TRMT11: variants seen among roughly 807,000 people sequenced by gnomAD.
The protein encoded by TRMT11 is tRNA methyltransferase 11.
A neutral mutation model predicts 62.8 loss-of-function variants in TRMT11; 53 were observed. The ratio of observed to expected loss-of-function variants is 0.84; its 90% CI spans 0.68 to 1.06. The LOEUF is 1.06. Among genes scored for constraint, TRMT11 ranks in the 50% least tolerant of loss-of-function variants. The pLI is 0.00. For missense variants in TRMT11, 556 were observed against 553.4 expected, an observed-to-expected ratio of 1.00 and a Z score of -0.05; for synonymous variants, 188 against 190.3, an observed-to-expected ratio of 0.99 and a Z score of 0.10.
Position 126,026,409 on chromosome 6 carries a change from T to C in TRMT11, c.1260+5129T>C, listed in dbSNP as rs192853955. 3.5e-4 allele frequency among the ~76,000 whole-genome samples: 53 copies of C among 152,136 alleles called. 1 individual carries two copies. The highest frequency in any genetic ancestry group is 2.9e-3 in the Admixed American group (45 of 15,290). ...TTTTTTTTTAATTTTTTTTTTGAGA[T>C]AGAGTCTTACTCTGTTGCCAGGCTG... On this transcript the variant is annotated intron_variant, in intron 12 of 12. Coordinates refer to ENST00000334379, the MANE Select transcript of TRMT11 (RefSeq NM_001031712.3).
intron 16 of TRMT11, among the ~76,000 whole-genome samples, chr6:126,052,080 T>C (rs1011594001): frequency 1.8e-4 from 27 of 152,206 alleles, no homozygotes; most frequent in African/African-American, 6.5e-4. Flanking sequence ...AAGAAATTTA[T>C]ACTAGAATTA....
the TRMT11 span, among the ~76,000 whole-genome samples, chr6:126,269,263 CA>C: frequency 0.012 from 855 of 68,794 alleles, 3 homozygotes; most frequent in African/African-American, 0.033. Context: ...GACTCCGTCT[CA>C]AAAAAAAAAA....
chr6:126,184,863 C>T (rs1012807441), intron 1 of TRMT11, among the ~76,000 whole-genome samples: 1 of 152,182 alleles, frequency 6.6e-6, no homozygotes, highest in Non-Finnish European at 1.5e-5. Flanking sequence ...CAATCAGAGG[C>T]AGCCTGACAA....
chr6:126,250,162 C>T, the TRMT11 span, among the ~76,000 whole-genome samples: 2 of 152,170 alleles, frequency 1.3e-5, no homozygotes, highest in African/African-American at 2.4e-5. Context: ...GAACAGGCAA[C>T]AGACTTCAAT....
chr6:126,239,940 T>G, the TRMT11 span, among the ~76,000 whole-genome samples: 73 of 152,276 alleles, frequency 4.8e-4, no homozygotes, highest in Non-Finnish European at 7.8e-4. Flanking sequence ...CTTCTCTTCT[T>G]GCTTCATTTC....
At chr6:126,037,691 G>T (rs571408662) in intron 12 of TRMT11, among the ~76,000 whole-genome samples, 2 of 152,042 alleles carry the variant, frequency 1.3e-5, no homozygotes, top group South Asian at 4.1e-4. Context: ...CATTATTTTG[G>T]CTAAACCTGG....
At chr6:126,164,069 G>A (rs1461483071) in intron 21 of TRMT11, among the ~76,000 whole-genome samples, 2 of 152,126 alleles carry the variant, frequency 1.3e-5, no homozygotes, top group Non-Finnish European at 1.5e-5. Flanking sequence ...TGATGTTAGG[G>A]TGTTGCTTTT....
chr6:126,027,050 C>T (rs1773296481), intron 12 of TRMT11, among the ~76,000 whole-genome samples: 1 of 152,012 alleles, frequency 6.6e-6, no homozygotes, highest in South Asian at 2.1e-4. Context: ...TCGTGATCCG[C>T]CAGCCTCGGC....
intron 21 of TRMT11, among the ~76,000 whole-genome samples, chr6:126,140,542 A>T (rs1777905842): frequency 6.6e-6 from 1 of 152,060 alleles, no homozygotes. Context: ...TAATGTATTC[A>T]GTGGTTACTG....
the TRMT11 span, among the ~76,000 whole-genome samples, chr6:126,239,662 T>C: frequency 1.3e-5 from 2 of 152,210 alleles, no homozygotes; most frequent in Non-Finnish European, 2.9e-5. Context: ...ATTTCAACTT[T>C]GGTGAATCTG....
chr6:126,023,692 A>C (rs1796157228), intron 12 of TRMT11, among the ~76,000 whole-genome samples: 1 of 152,136 alleles, frequency 6.6e-6, no homozygotes, highest in South Asian at 2.1e-4. Context: ...TGCCTGATGC[A>C]ATAATATGTT....
At chr6:126,083,140 T>C (rs1358228582) in intron 17 of TRMT11, among the ~76,000 whole-genome samples, 1 of 152,194 alleles carries the variant, frequency 6.6e-6, no homozygotes, top group Admixed American at 6.5e-5. Flanking sequence ...GATTGTTTGC[T>C]GGAAGCTTCA....
intron 6 of TRMT11, 40 bp from the exon 7 acceptor site, chr6:125,999,416 TC>T (rs1301636224): frequency 6.7e-7 from 1 of 1,502,732 alleles, no homozygotes; most frequent in African/African-American, 1.4e-5. Flanking sequence ...TTAAGTCTAT[TC>T]TGTATGGCTA....
At chr6:126,116,010 T>A (rs947416834) in intron 21 of TRMT11, among the ~76,000 whole-genome samples, 4 of 147,812 alleles carry the variant, frequency 2.7e-5, no homozygotes, top group African/African-American at 1.1e-4. Context: ...GCTGTTACCT[T>A]AGGGTCCTTT....
At chr6:126,250,786 G>T in the TRMT11 span, among the ~76,000 whole-genome samples, 1 of 152,140 alleles carries the variant, frequency 6.6e-6, no homozygotes, top group Non-Finnish European at 1.5e-5. Context: ...TTCTAAAAAT[G>T]CAGGGAAGTA....
intron 3 of TRMT11, among the ~76,000 whole-genome samples, chr6:126,200,400 C>T (rs1472140214): frequency 1.3e-5 from 2 of 152,134 alleles, no homozygotes; most frequent in South Asian, 4.2e-4. Flanking sequence ...GAAAATGCCA[C>T]CGTTATTTTA....
chr6:126,150,441 G>T (rs1434031567), intron 21 of TRMT11, among the ~76,000 whole-genome samples: 2 of 152,154 alleles, frequency 1.3e-5, no homozygotes, highest in African/African-American at 4.8e-5. Context: ...TTCATCTTTA[G>T]GTGTTTGTAT....
intron 12 of TRMT11, among the ~76,000 whole-genome samples, chr6:126,026,240 TAGTA>T (rs1417787352): frequency 6.6e-6 from 1 of 152,222 alleles, no homozygotes; most frequent in East Asian, 1.9e-4. Flanking sequence ...TTTGCTTAAA[TAGTA>T]AGTGGAAGAG....
At chr6:126,028,200 C>G (rs567850874) in intron 12 of TRMT11, among the ~76,000 whole-genome samples, 3 of 152,028 alleles carry the variant, frequency 2.0e-5, no homozygotes, top group Non-Finnish European at 4.4e-5. Flanking sequence ...ACTGTGGGTT[C>G]CCTTTTGATT....
Sources: allele counts gnomAD v4.1 joint callset (sites outside exome capture counted in the v4.1 genomes callset), GRCh38; gene constraint gnomAD v4.1.1; transcripts MANE v1.5; gene names NCBI Gene and HGNC (gene_info 2026-07-23, HGNC 2026-07-21).